The following CEP170 variants were observed in gnomAD, a reference collection of about 807,000 sequenced individuals.
CEP170 encodes centrosomal protein 170.
CEP170 carries 21 observed loss-of-function variants against 151.9 expected under a neutral mutation model. That is an observed-to-expected ratio of 0.14 (90% CI 0.10 to 0.20). The LOEUF is 0.20. CEP170 is among the 10% of genes least tolerant of loss of function. The probability of loss-of-function intolerance (pLI) is 1.00; values close to 1 mark genes in which losing one functional copy is unlikely to be tolerated. For synonymous variants in CEP170, 356 were observed against 648.8 expected, an observed-to-expected ratio of 0.55 and a Z score of 6.86; for missense variants, 964 against 1,892.9, an observed-to-expected ratio of 0.51 and a Z score of 9.11.
chr1:243,226,247 A>G (rs1206620800), intron 1 of CEP170, among the ~76,000 whole-genome samples: 6 of 148,310 alleles, frequency 4.0e-5, no homozygotes, highest in African/African-American at 1.5e-4. Context: ...ATATACACAT[A>G]TATGTATGTA....
intron 14 of CEP170, among the ~76,000 whole-genome samples, chr1:243,147,061 C>T (rs74150943): frequency 0.063 from 9,650 of 152,066 alleles, 675 homozygotes; most frequent in East Asian, 0.18. Flanking sequence ...AAGTCAAATA[C>T]ATACTTGGAA....
At chr1:243,208,274 T>C (rs1412221981) in intron 4 of CEP170, among the ~76,000 whole-genome samples, 1 of 152,128 alleles carries the variant, frequency 6.6e-6, no homozygotes, top group Non-Finnish European at 1.5e-5. Flanking sequence ...TGGTCTCTCT[T>C]TTCATACCCC....
chr1:243,151,063 G>A (rs893256453), intron 14 of CEP170, among the ~76,000 whole-genome samples: 9 of 152,134 alleles, frequency 5.9e-5, no homozygotes, highest in Admixed American at 3.9e-4. Context: ...ACCATTCCGT[G>A]GTGATACCAT....
At chr1:243,243,839 A>G (rs2065098771) in intron 1 of CEP170, among the ~76,000 whole-genome samples, 1 of 152,002 alleles carries the variant, frequency 6.6e-6, no homozygotes, top group Non-Finnish European at 1.5e-5. Context: ...ATTCCTCTTT[A>G]AAAGTAGACA....
At chr1:243,254,804 G>A (rs1335792076) in intron 1 of CEP170, among the ~76,000 whole-genome samples, 4 of 150,648 alleles carry the variant, frequency 2.7e-5, no homozygotes, top group Non-Finnish European at 5.9e-5. Flanking sequence ...GGCGGGTGGG[G>A]GATGGGAAGG....
At position 243,169,740 on chromosome 1, in the gene CEP170, T is replaced by G; in HGVS notation, c.1731A>C (p.Ser577=). ...GFHHSEEGTS[S]SGSKRWVSQW... is the part of the protein sequence containing the mutation. ...GTGAAACCCAACGTTTGCTTCCAGA[T>G]GAAGATGTGCCTTCCTAAAGGAGAA... Residue 577 remains serine, a synonymous_variant, in exon 12 of 20, where the codon TCA becomes TCC. Coordinates refer to ENST00000366542, the MANE Select transcript of CEP170 (RefSeq NM_014812.3). 2.5e-6 allele frequency: 4 copies of G among 1,613,440 alleles called. No individual in the cohort carries two copies. Among genetic ancestry groups the G allele is most frequent in the Non-Finnish European group, 3.4e-6 (4 of 1,179,652 alleles).
chr1:243,143,312 T>C (rs2056095071), intron 14 of CEP170, among the ~76,000 whole-genome samples: 2 of 152,164 alleles, frequency 1.3e-5, no homozygotes, highest in African/African-American at 4.8e-5. Flanking sequence ...TCATCTGACT[T>C]TATCACAATC....
intron 3 of CEP170, 193 bp downstream of exon 3, chr1:243,221,531 T>C (rs2062818136): frequency 3.7e-6 from 2 of 535,558 alleles, no homozygotes; most frequent in South Asian, 5.9e-5. Flanking sequence ...CATCTGCTTA[T>C]AGTTTCTTTG....
At chr1:243,162,789 C>G (rs1046014207) in intron 13 of CEP170, among the ~76,000 whole-genome samples, 11 of 152,064 alleles carry the variant, frequency 7.2e-5, no homozygotes, top group African/African-American at 2.7e-4. Context: ...AGGAGTACAG[C>G]AGAAGAAATT....
intron 4 of CEP170, among the ~76,000 whole-genome samples, chr1:243,203,370 G>A (rs1558578683): frequency 6.6e-6 from 1 of 152,104 alleles, no homozygotes; most frequent in Non-Finnish European, 1.5e-5. Context: ...CCCCTGTACT[G>A]ACCTAAGTCA....
chr1:243,241,562 G>C (rs897515043), intron 1 of CEP170, among the ~76,000 whole-genome samples: 2 of 152,194 alleles, frequency 1.3e-5, no homozygotes, highest in Admixed American at 6.5e-5. Context: ...GGCCGAGGCG[G>C]GTGGATCACT....
chr1:243,159,803 T>TGTGTG (rs1558452605), intron 13 of CEP170, among the ~76,000 whole-genome samples: 3 of 51,760 alleles, frequency 5.8e-5, no homozygotes, highest in African/African-American at 9.6e-5. Flanking sequence ...GTGTGTGTGT[T>TGTGTG]TTTGAGATGG....
intron 17 of CEP170, among the ~76,000 whole-genome samples, chr1:243,135,433 C>T (rs2054946471): frequency 6.6e-6 from 1 of 152,040 alleles, no homozygotes; most frequent in Admixed American, 6.5e-5. Context: ...ATCTTGATCT[C>T]CTGACCTCAT....
At chr1:243,221,185 C>T (rs1300364805) in intron 3 of CEP170, among the ~76,000 whole-genome samples, 19 of 152,190 alleles carry the variant, frequency 1.2e-4, no homozygotes, top group Admixed American at 3.9e-4. Flanking sequence ...CCACCACACC[C>T]GGCTAATTTT....
rs116351795 is a variant in CEP170 at position 243,184,621 on chromosome 1, G to A, written c.1566+1158C>T. ...GAAATTATACGTACTCTCTTACAGT[G>A]TAGTAAGAGATTTTATACACTATAG... On this transcript the variant is annotated intron_variant, in intron 10 of 19. Coordinates refer to ENST00000366542, the MANE Select transcript of CEP170 (RefSeq NM_014812.3). 5.4e-3 allele frequency among the ~76,000 whole-genome samples: 829 copies of A among 152,174 alleles called. 7 individuals carry two copies. Among genetic ancestry groups the A allele is most frequent in the African/African-American group, 0.019 (771 of 41,526 alleles).
chr1:243,232,247 G>A (rs1384200565), intron 1 of CEP170, among the ~76,000 whole-genome samples: 1 of 152,112 alleles, frequency 6.6e-6, no homozygotes, highest in Non-Finnish European at 1.5e-5. Context: ...TTACAGGTGT[G>A]AGCCCCCATG....
At chr1:243,248,676 G>T (rs1490387057) in intron 1 of CEP170, among the ~76,000 whole-genome samples, 1 of 152,132 alleles carries the variant, frequency 6.6e-6, no homozygotes, top group Non-Finnish European at 1.5e-5. Context: ...TCTTAAACCA[G>T]ATCATTCCAA....
At position 243,140,239 on chromosome 1, in the gene CEP170, T is replaced by A. The variant is rs189168102; in HGVS notation, c.4060-132A>T. On this transcript the variant is annotated intron_variant, in intron 15 of 19. Coordinates refer to ENST00000366542, the MANE Select transcript of CEP170 (RefSeq NM_014812.3). ...AGTAACAGAGGCACAACATCTTCAA[T>A]AAACCAATTACTCTTTCTTTTTATA... is the stretch of plus-strand genomic sequence containing the variant. The A allele has an allele frequency of 5.9e-4, 765 of 1,293,348 alleles. 5 individuals carry two copies. In the African/African-American group the frequency reaches 1.0e-2, roughly 17 times the overall value. The allele number at this position is 1,293,348 out of a possible 1,614,324, so 80.1% of individuals were successfully genotyped here. A position where few individuals can be genotyped will look rare whatever the true frequency, so the allele number is the denominator to read the frequency against.
chr1:243,197,274 TG>T (rs2060720825), intron 7 of CEP170, among the ~76,000 whole-genome samples: 1 of 152,004 alleles, frequency 6.6e-6, no homozygotes, highest in Admixed American at 6.6e-5. Context: ...CAGACATCCT[TG>T]GTTTTCTTTC....
Sources: allele counts gnomAD v4.1 joint callset (sites outside exome capture counted in the v4.1 genomes callset), GRCh38; gene constraint gnomAD v4.1.1; transcripts MANE v1.5; gene names NCBI Gene and HGNC (gene_info 2026-07-23, HGNC 2026-07-21).